PPP2R2B: variants seen among roughly 807,000 people sequenced by gnomAD.
PPP2R2B encodes protein phosphatase 2 regulatory subunit Bbeta, also known as serine/threonine-protein phosphatase 2A 55 kDa regulatory subunit B beta isoform.
A neutral mutation model predicts 46.0 loss-of-function variants in PPP2R2B; 5 were observed. That is an observed-to-expected ratio of 0.11 (90% CI 0.06 to 0.23). The LOEUF (loss-of-function observed/expected upper bound fraction) is 0.23. Among genes scored for constraint, PPP2R2B ranks in the 10% least tolerant of loss-of-function variants. The probability of loss-of-function intolerance (pLI) is 1.00; values close to 1 mark genes in which losing one functional copy is unlikely to be tolerated. For synonymous variants in PPP2R2B, 215 were observed against 206.7 expected, an observed-to-expected ratio of 1.04 and a Z score of -0.34; for missense variants, 367 against 575.0, an observed-to-expected ratio of 0.64 and a Z score of 3.70.
chr5:146,775,789 A>G (rs972088639), intron 2 of PPP2R2B, among the ~76,000 whole-genome samples: 1 of 152,182 alleles, frequency 6.6e-6, no homozygotes, highest in African/African-American at 2.4e-5. Context: ...GCAAAGTTGC[A>G]GAATACAAAT....
At chr5:146,903,805 AG>A (rs1762915808) in intron 1 of PPP2R2B, among the ~76,000 whole-genome samples, 1 of 152,178 alleles carries the variant, frequency 6.6e-6, no homozygotes, top group Admixed American at 6.5e-5. Flanking sequence ...GGAAAGTTAA[AG>A]TTGTATCAGA....
intron 1 of PPP2R2B, among the ~76,000 whole-genome samples, chr5:147,048,645 C>T (rs566307674): frequency 6.6e-6 from 1 of 152,074 alleles, no homozygotes; most frequent in Non-Finnish European, 1.5e-5. Flanking sequence ...TTTTCACTCT[C>T]ATAACAATAC....
intron 2 of PPP2R2B, among the ~76,000 whole-genome samples, chr5:147,072,369 G>A (rs1294793560): frequency 6.6e-6 from 1 of 152,150 alleles, no homozygotes; most frequent in Non-Finnish European, 1.5e-5. Flanking sequence ...TGTTGTATTA[G>A]TGGTAGTATT....
At chr5:146,787,564 C>T (rs961656088) in intron 2 of PPP2R2B, among the ~76,000 whole-genome samples, 220 of 151,888 alleles carry the variant, frequency 1.4e-3, no homozygotes, top group African/African-American at 5.2e-3. Context: ...TCTCCCTTCT[C>T]TCTTGTCTTC....
intron 2 of PPP2R2B, among the ~76,000 whole-genome samples, chr5:146,760,030 G>T (rs540792919): frequency 2.0e-5 from 3 of 152,124 alleles, no homozygotes; most frequent in Non-Finnish European, 4.4e-5. Flanking sequence ...AACAAGAAAG[G>T]TGTGTTTGTT....
At chr5:147,077,753 G>T (rs1211496249) in intron 2 of PPP2R2B, among the ~76,000 whole-genome samples, 1 of 152,108 alleles carries the variant, frequency 6.6e-6, no homozygotes, top group African/African-American at 2.4e-5. Context: ...GTTTCTGCCT[G>T]TATTCACTAT....
chr5:146,950,904 C>T (rs935629679), intron 1 of PPP2R2B, among the ~76,000 whole-genome samples: 11 of 151,804 alleles, frequency 7.2e-5, no homozygotes, highest in African/African-American at 2.7e-4. Flanking sequence ...ATTCTTAGTG[C>T]CAAAAATTTT....
At chr5:146,670,553 T>C (rs1249712729) in intron 5 of PPP2R2B, among the ~76,000 whole-genome samples, 1 of 151,962 alleles carries the variant, frequency 6.6e-6, no homozygotes, top group African/African-American at 2.4e-5. Flanking sequence ...TGCAGTGCAG[T>C]GGCGCAATGT....
chr5:146,784,110 CTCTT>C (rs1276026416), intron 2 of PPP2R2B, among the ~76,000 whole-genome samples: 3 of 152,206 alleles, frequency 2.0e-5, no homozygotes, highest in Non-Finnish European at 4.4e-5. Flanking sequence ...TACCCTTTCT[CTCTT>C]TAATTGTGAA....
chr5:146,655,519 T>G (rs1008359147), intron 5 of PPP2R2B, among the ~76,000 whole-genome samples: 5 of 152,172 alleles, frequency 3.3e-5, no homozygotes, highest in African/African-American at 4.8e-5. Context: ...TCAGTGAATT[T>G]TCATCGCTAT....
At chr5:146,670,521 A>C (rs953164659) in intron 5 of PPP2R2B, among the ~76,000 whole-genome samples, 8 of 137,610 alleles carry the variant, frequency 5.8e-5, no homozygotes, top group African/African-American at 1.6e-4. Context: ...ATTGAGACAG[A>C]ATCTTGCTCT....
At chr5:147,062,769 A>G (rs1012740956) in intron 2 of PPP2R2B, among the ~76,000 whole-genome samples, 3 of 151,900 alleles carry the variant, frequency 2.0e-5, no homozygotes, top group South Asian at 4.2e-4. Context: ...GGGCAAATTT[A>G]CTTCTGACCT....
intron 1 of PPP2R2B, among the ~76,000 whole-genome samples, chr5:146,953,940 T>C (rs1220687933): frequency 6.6e-6 from 1 of 152,162 alleles, no homozygotes; most frequent in African/African-American, 2.4e-5. Context: ...ACTAGTTTGG[T>C]TGTTCACTAA....
At chr5:146,734,471 C>T (rs144700434) in intron 2 of PPP2R2B, among the ~76,000 whole-genome samples, 1 of 152,194 alleles carries the variant, frequency 6.6e-6, no homozygotes, top group Admixed American at 6.5e-5. Flanking sequence ...AACTGAGGCA[C>T]AGACTGGTTA....
chr5:146,727,051 A>G (rs1751913537), intron 2 of PPP2R2B, among the ~76,000 whole-genome samples: 1 of 152,104 alleles, frequency 6.6e-6, no homozygotes, highest in Non-Finnish European at 1.5e-5. Context: ...GTTTTGACAC[A>G]CTCTACAAAG....
At chr5:147,050,421 G>A (rs572600455) in intron 1 of PPP2R2B, among the ~76,000 whole-genome samples, 1 of 152,198 alleles carries the variant, frequency 6.6e-6, no homozygotes, top group East Asian at 1.9e-4. Context: ...TTCTAAATAT[G>A]TGAAAGGGAC....
intron 1 of PPP2R2B, among the ~76,000 whole-genome samples, chr5:146,937,383 G>A (rs1764187732): frequency 6.6e-6 from 1 of 152,040 alleles, no homozygotes; most frequent in Non-Finnish European, 1.5e-5. Flanking sequence ...TGGGGCCAGG[G>A]CAGTCTTGCT....
rs5871992 is a variant in PPP2R2B, at chr5:146,770,330, C to CAA, written c.71-69190_71-69189dup. On this transcript the variant is annotated intron_variant, in intron 2 of 9. Coordinates refer to ENST00000394411, the MANE Select transcript of PPP2R2B (RefSeq NM_181675.4). ...TGGGTGACAGAGTGAGATTCCGTCT[C>CAA]AAAAAAAAAAAAAAAAAAAAAAAAA... 8.6e-3 allele frequency among the ~76,000 whole-genome samples: 515 copies of CAA among 59,976 alleles called. 11 individuals carry two copies. The highest frequency in any genetic ancestry group is 0.024 in the African/African-American group (304 of 12,540). The allele number at this position is 59,976 out of a possible 152,430, so 39.3% of individuals were successfully genotyped here.
intron 1 of PPP2R2B, among the ~76,000 whole-genome samples, chr5:146,907,411 A>C (rs1457954887): frequency 1.3e-5 from 2 of 152,194 alleles, no homozygotes; most frequent in Non-Finnish European, 2.9e-5. Context: ...GAGCGTTCCC[A>C]AAGTTCAGCT....
Sources: gnomAD v4.1 joint callset for allele counts (sites outside exome capture counted in the v4.1 genomes callset) on GRCh38, gnomAD v4.1.1 for gene constraint, MANE v1.5 for transcripts, NCBI Gene and HGNC (gene_info 2026-07-23, HGNC 2026-07-21) for gene names.